Variants in PKNOX1 observed in about 807,000 individuals in gnomAD.
PKNOX1 encodes the protein PBX/knotted 1 homeobox 1.
A neutral mutation model predicts 51.9 loss-of-function variants in PKNOX1; 15 were observed. The observed-to-expected ratio is 0.29, with a 90% CI of 0.19 to 0.45. PKNOX1 has a LOEUF of 0.45. Ranked by LOEUF, PKNOX1 falls within the 20% of genes least tolerant of loss-of-function variation. The pLI, the probability that PKNOX1 is intolerant of heterozygous loss-of-function variation, is 1.00. For synonymous variants in PKNOX1, 219 were observed against 211.1 expected, an observed-to-expected ratio of 1.04 and a Z score of -0.32; for missense variants, 462 against 547.5, an observed-to-expected ratio of 0.84 and a Z score of 1.56.
chr21:43,009,625 A>AAAAG (rs1979156696), intron 3 of PKNOX1, among the ~76,000 whole-genome samples: 1 of 151,428 alleles, frequency 6.6e-6, no homozygotes, highest in African/African-American at 2.4e-5. Flanking sequence ...AAAAAAAAAA[A>AAAAG]AAAAAGGAAT....
chr21:42,983,278 A>C (rs982332591), intron 1 of PKNOX1, among the ~76,000 whole-genome samples: 2 of 140,238 alleles, frequency 1.4e-5, no homozygotes, highest in African/African-American at 5.5e-5. Context: ...CTCTATACCC[A>C]TTAAACACTG....
At chr21:43,025,989 A>C (rs956755525) in intron 9 of PKNOX1, among the ~76,000 whole-genome samples, 1 of 152,246 alleles carries the variant, frequency 6.6e-6, no homozygotes, top group Non-Finnish European at 1.5e-5. Context: ...AATATTAACA[A>C]AAATTTAAAG....
intron 6 of PKNOX1, 104 bp downstream of exon 6, chr21:43,017,111 T>G: frequency 1.4e-6 from 1 of 711,108 alleles, no homozygotes; most frequent in Non-Finnish European, 2.4e-6. Flanking sequence ...CATGCCATTT[T>G]CTAATATAGC....
At chr21:43,004,101 G>A (rs1978881807) in intron 1 of PKNOX1, 1 of 275,970 alleles carries the variant, frequency 3.6e-6, no homozygotes, top group Non-Finnish European at 7.1e-6. Context: ...TCCAGGCATG[G>A]TGGCACATGA....
intron 7 of PKNOX1, among the ~76,000 whole-genome samples, chr21:43,020,979 C>T (rs1014116243): frequency 1.3e-5 from 2 of 152,174 alleles, no homozygotes; most frequent in African/African-American, 2.4e-5. Flanking sequence ...TGTGGTGATG[C>T]GTGGCTGTGG....
chr21:42,982,282 A>G (rs1165773292), intron 1 of PKNOX1, among the ~76,000 whole-genome samples: 2 of 152,200 alleles, frequency 1.3e-5, no homozygotes, highest in African/African-American at 2.4e-5. Context: ...GGGTCACTCA[A>G]AGGGGCTGTG....
At chr21:42,995,902 T>A (rs2124464) in intron 1 of PKNOX1, among the ~76,000 whole-genome samples, 75,848 of 151,890 alleles carry the variant, frequency 0.5, 18,953 homozygotes, top group Middle Eastern at 0.59. Flanking sequence ...ATCTATTCAT[T>A]TATGTATTTA....
chr21:42,994,194 T>C (rs12481947), intron 1 of PKNOX1, among the ~76,000 whole-genome samples: 126,722 of 141,492 alleles, frequency 0.9, 56,879 homozygotes, highest in Non-Finnish European at 0.91. Context: ...ACATGTGCCA[T>C]CATGCCCAGC....
At chr21:43,005,296 C>T (rs1317111772) in intron 2 of PKNOX1, among the ~76,000 whole-genome samples, 1 of 152,150 alleles carries the variant, frequency 6.6e-6, no homozygotes, top group East Asian at 1.9e-4. Context: ...TCACTGGAGC[C>T]ATGCTGGTGA....
chr21:42,983,189 T>C (rs1431150816), intron 1 of PKNOX1, among the ~76,000 whole-genome samples: 2 of 152,178 alleles, frequency 1.3e-5, no homozygotes, highest in Admixed American at 1.3e-4. Context: ...TGCAGTTCAG[T>C]GGTGGTAAGT....
intron 1 of PKNOX1, among the ~76,000 whole-genome samples, chr21:42,988,508 A>G (rs998209028): frequency 6.6e-6 from 1 of 152,174 alleles, no homozygotes; most frequent in African/African-American, 2.4e-5. Flanking sequence ...AGTATTGTCT[A>G]TGTAAAAGTT....
At chr21:43,011,482 G>A (rs891476112) in intron 4 of PKNOX1, among the ~76,000 whole-genome samples, 4 of 152,148 alleles carry the variant, frequency 2.6e-5, no homozygotes, top group Non-Finnish European at 2.9e-5. Flanking sequence ...TCTTGGTTCC[G>A]TCATCACTGG....
At position 43,030,592 on chromosome 21, in the gene PKNOX1, A is replaced by T. The variant is rs1279700122; in HGVS notation, c.*491A>T. On this transcript the variant is annotated 3_prime_UTR_variant, in exon 11 of 11. Coordinates refer to ENST00000291547, the MANE Select transcript of PKNOX1 (RefSeq NM_004571.5). ...GTGTGGTTTCGTCGTGAGTGGATGG[A>T]CGGCAAGCTTAGCAAGCCTAAGTCC... The T allele has an allele frequency of 6.5e-6, 1 of 152,700 alleles. No individual in the cohort carries two copies. Among genetic ancestry groups the T allele is most frequent in the Non-Finnish European group, 1.5e-5 (1 of 68,122 alleles). 9.5% of individuals were successfully genotyped at this position (152,700 alleles called of 1,614,324 possible).
chr21:42,975,999 A>C (rs2058995265), intron 1 of PKNOX1, among the ~76,000 whole-genome samples: 1 of 152,218 alleles, frequency 6.6e-6, no homozygotes, highest in Non-Finnish European at 1.5e-5. Context: ...GCATTTAGTC[A>C]TAATTTGGAA....
intron 1 of PKNOX1, among the ~76,000 whole-genome samples, chr21:42,983,518 T>G (rs1218271674): frequency 6.6e-6 from 1 of 152,218 alleles, no homozygotes; most frequent in Non-Finnish European, 1.5e-5. Context: ...TATACTGAAT[T>G]TTGTTTATCC....
At position 43,032,151 on chromosome 21, in the gene PKNOX1, C is replaced by T. The variant is rs528508147; in HGVS notation, c.*2050C>T. 63 of 456,186 alleles carry T rather than the reference C, an allele frequency of 1.4e-4. No homozygotes were observed. The highest frequency in any genetic ancestry group is 5.2e-4 in the African/African-American group (26 of 50,174). 28.3% of individuals were successfully genotyped at this position (456,186 alleles called of 1,614,324 possible). ...CTGGGATTACAGGTGTGAGCCACCGCGCCCGGCCGAGAATGACATCTTAAA... is the reference window on the plus strand; with the variant it reads ...CTGGGATTACAGGTGTGAGCCACCGTGCCCGGCCGAGAATGACATCTTAAA... On this transcript the variant is annotated 3_prime_UTR_variant, in exon 11 of 11. Coordinates refer to ENST00000291547, the MANE Select transcript of PKNOX1 (RefSeq NM_004571.5).
intron 8 of PKNOX1, among the ~76,000 whole-genome samples, chr21:43,022,361 C>G (rs1979800723): frequency 6.6e-6 from 1 of 151,944 alleles, no homozygotes; most frequent in African/African-American, 2.4e-5. Flanking sequence ...AGCCCGTAGC[C>G]ATCTCGCCAT....
At position 43,024,956 on chromosome 21, in the gene PKNOX1, C is replaced by A. The variant is rs373968439; in HGVS notation, c.926+9C>A. On this transcript the variant is annotated intron_variant, in intron 9 of 10. Coordinates refer to ENST00000291547, the MANE Select transcript of PKNOX1 (RefSeq NM_004571.5). ...CTCCAAGTCAACAACTGGTAAGGTG[C>A]CCTGCTTCCTGAAATCATGCTGTCA... The A allele has an allele frequency of 5.4e-4, 862 of 1,582,354 alleles. No individual in the cohort carries two copies. Among genetic ancestry groups the A allele is most frequent in the Non-Finnish European group, 6.9e-4 (791 of 1,151,826 alleles).
At chr21:42,997,755 G>A (rs1192300264) in intron 1 of PKNOX1, among the ~76,000 whole-genome samples, 5 of 152,208 alleles carry the variant, frequency 3.3e-5, no homozygotes, top group Non-Finnish European at 7.3e-5. Flanking sequence ...TGATGTGGGC[G>A]ATGCATGTTC....
Sources: gnomAD v4.1 joint callset for allele counts (sites outside exome capture counted in the v4.1 genomes callset) on GRCh38, gnomAD v4.1.1 for gene constraint, MANE v1.5 for transcripts, NCBI Gene and HGNC (gene_info 2026-07-23, HGNC 2026-07-21) for gene names.